ZNF329: variants seen among roughly 807,000 people sequenced by gnomAD.
ZNF329 encodes zinc finger protein 329.
ZNF329 carries 15 observed loss-of-function variants against 26.6 expected under a neutral mutation model. The ratio of observed to expected loss-of-function variants is 0.56; its 90% confidence interval spans 0.38 to 0.87. The LOEUF (loss-of-function observed/expected upper bound fraction) is 0.87. ZNF329 is among the 40% of genes least tolerant of loss of function. The pLI is 0.00. For missense variants in ZNF329, 651 were observed against 651.9 expected, an observed-to-expected ratio of 1.00 and a Z score of 0.02; for synonymous variants, 239 against 233.5, an observed-to-expected ratio of 1.02 and a Z score of -0.21.
intron 3 of ZNF329, among the ~76,000 whole-genome samples, chr19:58,139,087 C>T (rs973541531): frequency 4.6e-5 from 7 of 151,842 alleles, no homozygotes; most frequent in African/African-American, 1.7e-4. Flanking sequence ...TATAACGATG[C>T]CTTGGCAAGA....
At chr19:58,147,666 C>A (rs1162504253) in intron 1 of ZNF329, among the ~76,000 whole-genome samples, 1 of 147,074 alleles carries the variant, frequency 6.8e-6, no homozygotes, top group African/African-American at 2.6e-5. Context: ...CCCCGCCCGG[C>A]CAGCCGCCCT....
chr19:58,139,638 C>T (rs1033865427), intron 3 of ZNF329, among the ~76,000 whole-genome samples: 12 of 152,130 alleles, frequency 7.9e-5, no homozygotes, highest in Non-Finnish European at 2.9e-5. Flanking sequence ...TCCCACAGGC[C>T]TCATCTCCAA....
At chr19:58,139,791 T>C (rs2075145723) in intron 3 of ZNF329, among the ~76,000 whole-genome samples, 2 of 152,084 alleles carry the variant, frequency 1.3e-5, no homozygotes, top group African/African-American at 4.8e-5. Flanking sequence ...TCAATATCAT[T>C]AGGTATTCGG....
At chr19:58,145,125 A>AG (rs1254069220) in intron 1 of ZNF329, among the ~76,000 whole-genome samples, 6 of 150,950 alleles carry the variant, frequency 4.0e-5, no homozygotes, top group Non-Finnish European at 8.8e-5. Context: ...CTGGAATTAC[A>AG]GGCGTGAGCC....
intron 3 of ZNF329, among the ~76,000 whole-genome samples, chr19:58,136,116 A>G (rs1279187645): frequency 6.6e-6 from 1 of 151,950 alleles, no homozygotes; most frequent in East Asian, 1.9e-4. Flanking sequence ...CTGTACTCCC[A>G]GCTACTCGGG....
intron 1 of ZNF329, among the ~76,000 whole-genome samples, chr19:58,150,237 A>G (rs768250169): frequency 6.6e-6 from 1 of 152,218 alleles, no homozygotes; most frequent in Non-Finnish European, 1.5e-5. Flanking sequence ...TCAAATGGAA[A>G]AACACACAGG....
intron 1 of ZNF329, among the ~76,000 whole-genome samples, chr19:58,148,437 T>G (rs1325761097): frequency 6.6e-6 from 1 of 151,612 alleles, no homozygotes; most frequent in African/African-American, 2.4e-5. Context: ...ATTTCCCTGT[T>G]TCTTCTTTTC....
intron 1 of ZNF329, among the ~76,000 whole-genome samples, chr19:58,147,552 G>T (rs1353981441): frequency 7.1e-6 from 1 of 141,040 alleles, no homozygotes; most frequent in Non-Finnish European, 1.5e-5. Context: ...AGGTGGGGGG[G>T]TCAGCCCCCC....
chr19:58,141,391 C>T (rs763097455), intron 3 of ZNF329, among the ~76,000 whole-genome samples: 2 of 152,086 alleles, frequency 1.3e-5, no homozygotes, highest in African/African-American at 2.4e-5. Context: ...CTCCTCCTCC[C>T]GGGTTCAAGT....
At chr19:58,150,925 C>T (rs1233807597), upstream of ZNF329, 1 of 152,392 alleles carries the variant, frequency 6.6e-6, no homozygotes, top group African/African-American at 2.4e-5. Flanking sequence ...GACGCGCAGG[C>T]ATTTACTTTC....
Position 58,126,438 on chromosome 19 carries a change from G to C in ZNF329, c.*1440C>G, listed in dbSNP as rs1029304853. The C allele has an allele frequency of 1.3e-5, 2 of 152,056 alleles. No homozygotes were observed. The highest frequency in any genetic ancestry group is 2.9e-5 in the Non-Finnish European group (2 of 68,020). The allele number at this position is 152,056 out of a possible 1,614,324, so 9.4% of individuals were successfully genotyped here. A position where few individuals can be genotyped will look rare whatever the true frequency, so the allele number is the denominator to read the frequency against. On this transcript the variant is annotated 3_prime_UTR_variant, in exon 4 of 4. Transcript: ENST00000598312. ...TGGAATAATAGTAAATCTTCTATTT[G>C]ATGCCCCTTTTTGCCATATTATAAA...
rs1219486997 is a variant in ZNF329, at chr19:58,147,131, G to A, written c.-208+3621C>T. On this transcript the variant is annotated intron_variant, in intron 1 of 3. Coordinates refer to ENST00000598312, the MANE Select transcript of ZNF329 (RefSeq NM_024620.4). ...GAGCGTCTCTGCCCGGCCGCCCATC[G>A]TCTGAGATGTGGGGAGCGCCTCTGC... Among the ~76,000 whole-genome samples the A allele has an allele frequency of 7.1e-3, 991 of 140,046 alleles. 9 individuals are homozygous for A. Among genetic ancestry groups the A allele is most frequent in the African/African-American group, 0.026 (944 of 36,024 alleles). 91.9% of individuals were successfully genotyped at this position (140,046 alleles called of 152,430 possible). A position where few individuals can be genotyped will look rare whatever the true frequency, so the allele number is the denominator to read the frequency against.
Position 58,127,717 on chromosome 19 carries a change from G to A in ZNF329, c.*161C>T. ...TAAGTTGTCTCTGGAGTTCCCCAAT[G>A]AGCAGACTTAACAGTGTGGCTCAGC... On this transcript the variant is annotated 3_prime_UTR_variant, in exon 4 of 4. Coordinates refer to ENST00000598312, the MANE Select transcript of ZNF329 (RefSeq NM_024620.4). The A allele has an allele frequency of 1.5e-6, 1 of 687,742 alleles. No homozygotes were observed. Among genetic ancestry groups the A allele is most frequent in the Non-Finnish European group, 2.3e-6 (1 of 429,432 alleles). 42.6% of individuals were successfully genotyped at this position (687,742 alleles called of 1,614,324 possible). A position where few individuals can be genotyped will look rare whatever the true frequency, so the allele number is the denominator to read the frequency against.
chr19:58,147,850 A>T (rs1259622174), intron 1 of ZNF329, among the ~76,000 whole-genome samples: 1 of 150,788 alleles, frequency 6.6e-6, no homozygotes, highest in Non-Finnish European at 1.5e-5. Flanking sequence ...CCTACTGGGA[A>T]GTGAGGAGCC....
intron 1 of ZNF329, among the ~76,000 whole-genome samples, chr19:58,150,220 G>C (rs2075418339): frequency 6.6e-6 from 1 of 152,186 alleles, no homozygotes; most frequent in African/African-American, 2.4e-5. Context: ...ACATGATTTT[G>C]CAAATATCAA....
intron 3 of ZNF329, among the ~76,000 whole-genome samples, chr19:58,135,336 T>G (rs2075040527): frequency 6.6e-6 from 1 of 152,050 alleles, no homozygotes; most frequent in South Asian, 2.1e-4. Context: ...AGTGGCACGA[T>G]CTCGGCTCAT....
chr19:58,141,393 G>C (rs148755932), intron 3 of ZNF329, among the ~76,000 whole-genome samples: 2 of 151,946 alleles, frequency 1.3e-5, no homozygotes, highest in Admixed American at 1.3e-4. Context: ...CCTCCTCCCG[G>C]GTTCAAGTGA....
intron 1 of ZNF329, among the ~76,000 whole-genome samples, chr19:58,145,096 G>A (rs1278972117): frequency 1.3e-5 from 2 of 151,080 alleles, no homozygotes; most frequent in Non-Finnish European, 2.9e-5. Context: ...TGACCCGCCC[G>A]CCTCGGCCTC....
At chr19:58,135,185 G>A (rs187869656) in intron 3 of ZNF329, among the ~76,000 whole-genome samples, 123 of 152,230 alleles carry the variant, frequency 8.1e-4, no homozygotes, top group African/African-American at 2.5e-3. Context: ...GAGCACAAGC[G>A]ATCCTCCTGC....
Sources: gnomAD v4.1 joint callset for allele counts (sites outside exome capture counted in the v4.1 genomes callset) on GRCh38, gnomAD v4.1.1 for gene constraint, MANE v1.5 for transcripts, NCBI Gene and HGNC (gene_info 2026-07-23, HGNC 2026-07-21) for gene names.